CTRL: variants seen among roughly 807,000 people sequenced by gnomAD.
The protein encoded by CTRL is chymotrypsin-like protease CTRL-1.
CTRL carries 38 observed loss-of-function variants against 35.5 expected under a neutral mutation model. That is an observed-to-expected ratio of 1.07 (90% CI 0.83 to 1.40). The LOEUF is 1.40. Among genes scored for constraint, CTRL ranks in the 40% most tolerant of loss-of-function variants. The pLI, the probability that CTRL is intolerant of heterozygous loss-of-function variation, is 0.00. For synonymous variants in CTRL, 155 were observed against 141.1 expected (o/e 1.10, Z -0.70); for missense variants, 327 against 342.9 (o/e 0.95, Z 0.37).
At position 67,930,725 on chromosome 16, in the gene CTRL, C is replaced by CGGA; in HGVS notation, c.318_318+1insTCC (p.Arg106_Ala107insSer). 1 of 1,613,970 alleles carries CGGA rather than the reference C, an allele frequency of 6.2e-7. No homozygotes were observed. The highest frequency in any genetic ancestry group is 8.5e-7 in the Non-Finnish European group (1 of 1,179,892). The stretch of plus-strand genomic sequence containing the variant: ...TCCGTGTCTGCAGCCCAGGCACTCA[C>CGGA]CCGAGAGACGGACAGAACCTGCAAG... On this transcript the variant is annotated inframe_insertion and splice_region_variant. Transcript: ENST00000574481. The surrounding 1 kb of genome is among the most constrained non-coding windows in gnomAD (Gnocchi z 4.3).
chr16:67,930,265 T>A lies in CTRL; in HGVS notation c.553A>T (p.Asn185Tyr). ...GAGCCCCAGTACTGCCGGCACTGAT[T>A]CACAGTGACCAGGGGCAAAGCCACC... The part of the protein sequence containing the change: ...QQVALPLVTV[N>Y]QCRQYWGSSI... Residue 185 changes from asparagine to tyrosine, a missense_variant, in exon 6 of 7, where the codon AAT (asparagine) becomes TAT (tyrosine). Asn to Tyr is a moderately radical substitution (Grantham distance 143). Coordinates refer to ENST00000574481, the MANE Select transcript of CTRL (RefSeq NM_001907.3). This position sits in a 1 kb window ranked among gnomAD's most constrained non-coding sequence, Gnocchi z 4.3. The A allele has an allele frequency of 6.2e-7, 1 of 1,613,978 alleles. No individual in the cohort carries two copies. Among genetic ancestry groups the A allele is most frequent in the Non-Finnish European group, 8.5e-7 (1 of 1,179,962 alleles).
chr16:67,930,437 G>T lies in CTRL; in HGVS notation c.470C>A (p.Thr157Asn). 6.2e-7 allele frequency: 1 copy of T among 1,614,086 alleles called. No individual in the cohort carries two copies. Among genetic ancestry groups the T allele is most frequent in the Non-Finnish European group, 8.5e-7 (1 of 1,180,004 alleles). ...GCCACTGAGGCGACCCCAGCCGGTG[G>T]TGACACACGTGAGGCCTTCAGTCAG... ...EALTEGLTCV[T>N]TGWGRLSGVG... The change falls in exon 5 of 7, where the codon ACC becomes AAC. Residue 157 changes from threonine (T) to asparagine (N), a missense_variant. By Grantham distance (65) the Thr-to-Asn change is moderately conservative. Transcript: ENST00000574481. The surrounding 1 kb of genome is among the most constrained non-coding windows in gnomAD (Gnocchi z 4.3).
chr16:67,929,633 A>G lies in CTRL; in HGVS notation c.*301T>C, dbSNP rs903604813. ...GTTTGTAAACGTATCCTCTGTATTCAGTAAACAGGCTGCCTCTCCAGGGAG... is the reference window on the plus strand; with the variant it reads ...GTTTGTAAACGTATCCTCTGTATTCGGTAAACAGGCTGCCTCTCCAGGGAG... On this transcript the variant is annotated 3_prime_UTR_variant, in exon 7 of 7. Transcript: ENST00000574481. The G allele has an allele frequency of 2.3e-6, 1 of 442,392 alleles. No individual in the cohort carries two copies. Among genetic ancestry groups the G allele is most frequent in the African/African-American group, 2.0e-5 (1 of 51,166 alleles). 27.4% of individuals were successfully genotyped at this position (442,392 alleles called of 1,614,324 possible).
chr16:67,931,775 A>G, intron 1 of CTRL, 26 bp downstream of exon 1: 1 of 1,556,092 alleles, frequency 6.4e-7, no homozygotes, highest in Non-Finnish European at 8.7e-7. Flanking sequence ...CCAGGGCTGA[A>G]TCAGGGCTGG....
In CTRL at chr16:67,930,673, C is replaced by T. The variant is rs753947392; in HGVS notation, c.318+53G>A. 6.2e-7 allele frequency: 1 copy of T among 1,608,184 alleles called. No individual in the cohort carries two copies. The highest frequency in any genetic ancestry group is 8.5e-7 in the Non-Finnish European group (1 of 1,175,044). ...GTCCTGAATTCCTCGTTCCCAGCAC[C>T]CACCCACCTGCACTGCCCACTTTTC... On this transcript the variant is annotated intron_variant, in intron 4 of 6. Coordinates refer to ENST00000574481, the MANE Select transcript of CTRL (RefSeq NM_001907.3). The surrounding 1 kb of genome is among the most constrained non-coding windows in gnomAD (Gnocchi z 4.3).
Position 67,930,848 on chromosome 16 carries a change from G to A in CTRL, c.237-41C>T, listed in dbSNP as rs1250892300. ...ATTAGGCAGCTGCAGGGAGGCCAGC[G>A]CGAGAGGGGGACAGCCAGGGGAGGA... On this transcript the variant is annotated intron_variant, in intron 3 of 6. Coordinates refer to ENST00000574481, the MANE Select transcript of CTRL (RefSeq NM_001907.3). The surrounding 1 kb of genome is among the most constrained non-coding windows in gnomAD (Gnocchi z 4.3). 5.6e-6 allele frequency: 9 copies of A among 1,612,936 alleles called. No individual in the cohort carries two copies. The highest frequency in any genetic ancestry group is 2.7e-5 in the African/African-American group (2 of 74,884).
rs1278985890 is a variant in CTRL at position 67,929,979 on chromosome 16, A to G, written c.750T>C (p.Val250=). ...NVRAPAVYTR[V]SKFSTWINQV... is the part of the protein sequence containing the mutation. ...GGTTGATCCAGGTGCTGAACTTGCT[A>G]ACTCGAGTATACACAGCAGGTGCGC... The change falls in exon 7 of 7, where the codon GTT becomes GTC. Residue 250 remains valine, a synonymous_variant. Transcript: ENST00000574481. 6.2e-7 allele frequency: 1 copy of G among 1,613,936 alleles called. No individual in the cohort carries two copies. The highest frequency in any genetic ancestry group is 8.5e-7 in the Non-Finnish European group (1 of 1,179,958).
In CTRL at chr16:67,930,107, G is replaced by C; in HGVS notation, c.634-12C>G. 2 of 1,614,006 alleles carry C rather than the reference G, an allele frequency of 1.2e-6. No individual in the cohort carries two copies. The highest frequency in any genetic ancestry group is 1.7e-6 in the Non-Finnish European group (2 of 1,179,844). ...CCTCCGGAGTCACCCTGAGAGGGAA[G>C]AGGGAGGGAGAATTGAGTAGGGGGG... On this transcript the variant is annotated splice_polypyrimidine_tract_variant and intron_variant, in intron 6 of 6. Transcript: ENST00000574481. This position sits in a 1 kb window ranked among gnomAD's most constrained non-coding sequence, Gnocchi z 4.3.
At chr16:67,931,569 C>T (rs760369825) in intron 1 of CTRL, 8 of 600,490 alleles carry the variant, frequency 1.3e-5, no homozygotes, top group Middle Eastern at 4.5e-4. Flanking sequence ...TAAACCCTCC[C>T]GGGCTCCAGG....
chr16:67,930,892 G>A lies in CTRL; in HGVS notation c.236+28C>T, dbSNP rs201628093. ...GGGAGGAGGCAGGAAGAGGCGAGGG[G>A]CGGGGCAGGTGGAATGCAGGCACTC... is the stretch of plus-strand genomic sequence containing the variant. On this transcript the variant is annotated intron_variant, in intron 3 of 6. Coordinates refer to ENST00000574481, the MANE Select transcript of CTRL (RefSeq NM_001907.3). This position sits in a 1 kb window ranked among gnomAD's most constrained non-coding sequence, Gnocchi z 4.3. 13 of 1,612,500 alleles carry A rather than the reference G, an allele frequency of 8.1e-6. No individual in the cohort carries two copies. In the South Asian group the frequency reaches 1.4e-4, roughly 18 times the overall value.
rs776415766 is a variant in CTRL at position 67,930,546 on chromosome 16, C to G, written c.361G>C (p.Asp121His). The change falls in exon 5 of 7, where the codon GAC (aspartate) becomes CAC (histidine). Residue 121 changes from aspartate to histidine, a missense_variant. Transcript: ENST00000574481. This position sits in a 1 kb window ranked among gnomAD's most constrained non-coding sequence, Gnocchi z 4.3. ...PSWNSTTMNN[D>H]VTLLKLASPA... ...GAGGCGAGCTTCAGCAGCGTCACGT[C>G]ATTGTTCATGGTGGTAGAGTTCCAG... The G allele has an allele frequency of 1.2e-6, 2 of 1,614,156 alleles. No individual in the cohort carries two copies. The highest frequency in any genetic ancestry group is 2.2e-5 in the South Asian group (2 of 91,082).
rs1472640310 is a variant in CTRL, at chr16:67,929,741, C to CGGCA, written c.*189_*192dup. ...GGAGGAGGGGTGGGGGCCCCGGCCTCGGCATGGCTACTCTAGGAAGAGCCA... is the reference window on the plus strand; with the variant it reads ...GGAGGAGGGGTGGGGGCCCCGGCCTCGGCAGGCATGGCTACTCTAGGAAGAGCCA... On this transcript the variant is annotated 3_prime_UTR_variant, in exon 7 of 7. Transcript: ENST00000574481. 8 of 654,944 alleles carry CGGCA rather than the reference C, an allele frequency of 1.2e-5. No homozygotes were observed. The allele number at this position is 654,944 out of a possible 1,614,324, so 40.6% of individuals were successfully genotyped here. A position where few individuals can be genotyped will look rare whatever the true frequency, so the allele number is the denominator to read the frequency against.
rs200000356 is a variant in CTRL at position 67,930,104 on chromosome 16, G to A, written c.634-9C>T. The A allele has an allele frequency of 2.5e-6, 4 of 1,613,980 alleles. No homozygotes were observed. Among genetic ancestry groups the A allele is most frequent in the Non-Finnish European group, 3.4e-6 (4 of 1,179,832 alleles). ...GGGCCTCCGGAGTCACCCTGAGAGG[G>A]AAGAGGGAGGGAGAATTGAGTAGGG... On this transcript the variant is annotated splice_polypyrimidine_tract_variant and intron_variant, in intron 6 of 6. Coordinates refer to ENST00000574481, the MANE Select transcript of CTRL (RefSeq NM_001907.3). The surrounding 1 kb of genome is among the most constrained non-coding windows in gnomAD (Gnocchi z 4.3).
At position 67,930,527 on chromosome 16, in the gene CTRL, A is replaced by AGCTC. The variant is rs2058236018; in HGVS notation, c.379_380insGAGC (p.Leu127ArgfsTer26). ...TGTTGTGTACTGGGCTGGCGAGGCG[A>AGCTC]GCTTCAGCAGCGTCACGTCATTGTT... On this transcript the variant is annotated frameshift_variant, in exon 5 of 7. Transcript: ENST00000574481. LOFTEE classifies it high-confidence loss of function. This position sits in a 1 kb window ranked among gnomAD's most constrained non-coding sequence, Gnocchi z 4.3. The AGCTC allele has an allele frequency of 6.2e-7, 1 of 1,613,952 alleles. No homozygotes were observed.
Position 67,930,907 on chromosome 16 carries a change from TGCAG to T in CTRL, c.236+9_236+12del, listed in dbSNP as rs751083405. 3.7e-6 allele frequency: 6 copies of T among 1,612,818 alleles called. No homozygotes were observed. In the Admixed American group the frequency reaches 1.0e-4, roughly 27 times the overall value. On this transcript the variant is annotated intron_variant, in intron 3 of 6. Coordinates refer to ENST00000574481, the MANE Select transcript of CTRL (RefSeq NM_001907.3). The surrounding 1 kb of genome is among the most constrained non-coding windows in gnomAD (Gnocchi z 4.3). The stretch of plus-strand genomic sequence containing the variant: ...GAGGCGAGGGGCGGGGCAGGTGGAA[TGCAG>T]GCACTCACCTGACATTGCAGTGGGC...
chr16:67,930,148 C>T lies in CTRL; in HGVS notation c.633+37G>A. The T allele has an allele frequency of 1.2e-6, 2 of 1,613,652 alleles. No homozygotes were observed. The highest frequency in any genetic ancestry group is 1.7e-6 in the Non-Finnish European group (2 of 1,179,736). On this transcript the variant is annotated intron_variant, in intron 6 of 6. Transcript: ENST00000574481. The surrounding 1 kb of genome is among the most constrained non-coding windows in gnomAD (Gnocchi z 4.3). ...AGTAGGGGGGGTTGGGGAGGTATAC[C>T]ACAGGACAGCGCAGAGGAGCGGGTG...
rs1311634726 is a variant in CTRL, at chr16:67,931,098, C to G, written c.156G>C (p.Gln52His). ...LGSWPWQVSL[Q>H]DSSGFHFCGG... ...CCTGCCCACCCCTCTGGTGGTGTACCTGCAGGGACACCTGCCAGGGCCAGG... is the reference window on the plus strand; with the variant it reads ...CCTGCCCACCCCTCTGGTGGTGTACGTGCAGGGACACCTGCCAGGGCCAGG... Residue 52 changes from glutamine (Q) to histidine (H), a missense_variant and splice_region_variant, in exon 2 of 7, where the codon CAG (glutamine) becomes CAC (histidine). Coordinates refer to ENST00000574481, the MANE Select transcript of CTRL (RefSeq NM_001907.3). The G allele has an allele frequency of 6.2e-7, 1 of 1,613,996 alleles. No homozygotes were observed. The highest frequency in any genetic ancestry group is 2.2e-5 in the East Asian group (1 of 44,878).
At position 67,930,094 on chromosome 16, in the gene CTRL, C is replaced by T; in HGVS notation, c.635G>A (p.Gly212Asp). 1.2e-6 allele frequency: 2 copies of T among 1,614,012 alleles called. No individual in the cohort carries two copies. Among genetic ancestry groups the T allele is most frequent in the Middle Eastern group, 1.6e-4 (1 of 6,062 alleles). Reference sequence around the variant, plus strand: ...GCAGACAAGAGGGCCTCCGGAGTCACCCTGAGAGGGAAGAGGGAGGGAGAA... The same window carrying T: ...GCAGACAAGAGGGCCTCCGGAGTCATCCTGAGAGGGAAGAGGGAGGGAGAA... ...AGGAGASSCQGDSGGPLVCQK... is the reference protein window; with the variant it reads ...AGGAGASSCQDDSGGPLVCQK... The change falls in exon 7 of 7, where the codon GGT (glycine) becomes GAT (aspartate). Residue 212 changes from glycine (G) to aspartate (D), a missense_variant and splice_region_variant. Transcript: ENST00000574481. This position sits in a 1 kb window ranked among gnomAD's most constrained non-coding sequence, Gnocchi z 4.3.
rs190571001 is a variant in CTRL at position 67,930,800 on chromosome 16, G to A, written c.244C>T (p.Arg82Cys). 61 of 1,614,082 alleles carry A rather than the reference G, an allele frequency of 3.8e-5. No homozygotes were observed. The highest frequency in any genetic ancestry group is 3.3e-4 in the Middle Eastern group (2 of 6,060). ...TAAHCNVSPG[R>C]HFVVLGEYDR... is the part of the protein sequence containing the mutation. ...TACTCGCCCAGGACAACAAAATGGCGGCCAGGGCTGCAAGGGGGTGGGATT... is the reference window on the plus strand; with the variant it reads ...TACTCGCCCAGGACAACAAAATGGCAGCCAGGGCTGCAAGGGGGTGGGATT... The change falls in exon 4 of 7, where the codon CGC becomes TGC. Residue 82 changes from arginine (R) to cysteine (C), a missense_variant. By Grantham distance (180) the Arg-to-Cys change is radical. Coordinates refer to ENST00000574481, the MANE Select transcript of CTRL (RefSeq NM_001907.3). This position sits in a 1 kb window ranked among gnomAD's most constrained non-coding sequence, Gnocchi z 4.3.
Sources: allele counts gnomAD v4.1 joint callset, GRCh38; gene constraint gnomAD v4.1.1; non-coding constraint Gnocchi (gnomAD v3.1); transcripts MANE v1.5; gene names NCBI Gene and HGNC (gene_info 2026-07-23, HGNC 2026-07-21).